Variants in ATXN8OS observed in about 807,000 individuals in gnomAD.
The protein encoded by ATXN8OS is ATXN8 opposite strand lncRNA, also known as ATXN8 opposite strand (non-protein coding).
At position 70,134,708 on chromosome 13, in the gene ATXN8OS, C is replaced by T. The variant is rs548380273; in HGVS notation, n.499+4824C>T. Among the ~76,000 whole-genome samples the T allele has an allele frequency of 2.3e-4, 35 of 152,318 alleles. 1 individual carries two copies. Among genetic ancestry groups the T allele is most frequent in the Admixed American group, 7.2e-4 (11 of 15,300 alleles). On this transcript the variant is annotated intron_variant and non_coding_transcript_variant, in intron 3 of 4. Transcript: ENST00000678624. ...AAAAGAGACAGAGCTAGATTAGCTACAGTGGCGTGCCTCAGTCCACCATGG... is the reference window on the plus strand; with the variant it reads ...AAAAGAGACAGAGCTAGATTAGCTATAGTGGCGTGCCTCAGTCCACCATGG...
chr13:70,157,235 A>G (rs1888948806), intron 4 of ATXN8OS, among the ~76,000 whole-genome samples: 1 of 152,192 alleles, frequency 6.6e-6, no homozygotes, highest in South Asian at 2.1e-4. Context: ...AAGCCTTTAC[A>G]TGAACTATAT....
At chr13:70,107,623 G>A, upstream of ATXN8OS, 1 of 1,579,252 alleles carries the variant, frequency 6.3e-7, no homozygotes, top group Non-Finnish European at 8.6e-7. Flanking sequence ...GGTGGAAGGA[G>A]ACGGGTGGCT....
chr13:70,156,864 C>T (rs1221767137), intron 4 of ATXN8OS, among the ~76,000 whole-genome samples: 1 of 152,052 alleles, frequency 6.6e-6, no homozygotes, highest in Admixed American at 6.6e-5. Context: ...CCTCCTTAAG[C>T]CCAAAGAAAC....
At chr13:70,167,848 A>G (rs889554996) in intron 4 of ATXN8OS, among the ~76,000 whole-genome samples, 1 of 140,764 alleles carries the variant, frequency 7.1e-6, no homozygotes, top group South Asian at 2.2e-4. Flanking sequence ...CCATTCTCCC[A>G]CCTCAGCCTC....
chr13:70,124,920 T>C (rs75936587), intron 2 of ATXN8OS, among the ~76,000 whole-genome samples: 11,311 of 131,250 alleles, frequency 0.086, 546 homozygotes, highest in Middle Eastern at 0.19. Flanking sequence ...TTCTACAATG[T>C]GTGTAATTTG....
intron 4 of ATXN8OS, among the ~76,000 whole-genome samples, chr13:70,163,975 GT>G (rs1332600276): frequency 6.7e-5 from 10 of 150,100 alleles, no homozygotes; most frequent in Admixed American, 6.7e-4. Flanking sequence ...CACTAAAAAT[GT>G]GCTCAATGAG....
chr13:70,171,012 G>A (rs1403934788), exon 5 of ATXN8OS, among the ~76,000 whole-genome samples: 1 of 152,132 alleles, frequency 6.6e-6, no homozygotes, highest in East Asian at 1.9e-4. Flanking sequence ...TGGTACACCT[G>A]TATAGGGCAC....
intron 3 of ATXN8OS, chr13:70,139,366 CTA>C: frequency 1.6e-6 from 1 of 630,896 alleles, no homozygotes; most frequent in Non-Finnish European, 2.6e-6. Context: ...ACTACTACTA[CTA>C]CTACTACTAC....
At chr13:70,112,143 C>T (rs1158625533) in intron 1 of ATXN8OS, among the ~76,000 whole-genome samples, 1 of 151,950 alleles carries the variant, frequency 6.6e-6, no homozygotes, top group Non-Finnish European at 1.5e-5. Flanking sequence ...TGTAAAGGTG[C>T]CACACACTTT....
At chr13:70,109,247 C>CT (rs1258933248) in intron 1 of ATXN8OS, among the ~76,000 whole-genome samples, 1 of 152,204 alleles carries the variant, frequency 6.6e-6, no homozygotes, top group African/African-American at 2.4e-5. Flanking sequence ...ATTGCGATCA[C>CT]TTTCAGTACA....
At chr13:70,157,262 A>G (rs1394910790) in intron 4 of ATXN8OS, among the ~76,000 whole-genome samples, 2 of 152,182 alleles carry the variant, frequency 1.3e-5, no homozygotes, top group African/African-American at 2.4e-5. Context: ...TTAAAATAGA[A>G]TGTTGTGTCT....
At chr13:70,166,931 G>C (rs1169148073) in intron 4 of ATXN8OS, among the ~76,000 whole-genome samples, 3 of 151,442 alleles carry the variant, frequency 2.0e-5, no homozygotes, top group Non-Finnish European at 3.0e-5. Flanking sequence ...ATCATCACTG[G>C]CCATCAGAGA....
intron 4 of ATXN8OS, among the ~76,000 whole-genome samples, chr13:70,156,965 G>A (rs189642607): frequency 9.9e-5 from 15 of 151,948 alleles, no homozygotes; most frequent in Non-Finnish European, 1.8e-4. Context: ...CTAGTTACCC[G>A]TAAATGAAAA....
intron 4 of ATXN8OS, among the ~76,000 whole-genome samples, chr13:70,166,276 C>A (rs1195126371): frequency 6.6e-6 from 1 of 152,036 alleles, no homozygotes; most frequent in Non-Finnish European, 1.5e-5. Flanking sequence ...TACTACAAGG[C>A]TACAGTAACC....
intron 4 of ATXN8OS, among the ~76,000 whole-genome samples, chr13:70,159,187 C>CTT (rs2137503687): frequency 1.5e-5 from 2 of 132,122 alleles, no homozygotes; most frequent in South Asian, 4.5e-4. Context: ...CATTCTCTCT[C>CTT]TCTCTCTCTC....
chr13:70,167,720 C>CGTCTTTTTTTTTTTTTTTTTTT (rs1889093645), intron 4 of ATXN8OS, among the ~76,000 whole-genome samples: 2 of 87,348 alleles, frequency 2.3e-5, no homozygotes, highest in African/African-American at 4.5e-5. Context: ...ACATATGTAA[C>CGTCTTTTTTTTTTTTTTTTTTT]TTCTTTTTTT....
At chr13:70,121,444 T>C (rs1295871425) in intron 2 of ATXN8OS, among the ~76,000 whole-genome samples, 1 of 152,060 alleles carries the variant, frequency 6.6e-6, no homozygotes, top group Non-Finnish European at 1.5e-5. Flanking sequence ...GGGTGTATAA[T>C]TTAAGATTTT....
chr13:70,159,593 G>A (rs941380356), intron 4 of ATXN8OS, among the ~76,000 whole-genome samples: 3 of 151,910 alleles, frequency 2.0e-5, no homozygotes, highest in Admixed American at 6.6e-5. Flanking sequence ...ATGGTTCCAG[G>A]GACATTAGCA....
intron 4 of ATXN8OS, among the ~76,000 whole-genome samples, chr13:70,155,188 T>C (rs1375495488): frequency 6.6e-6 from 1 of 152,184 alleles, no homozygotes; most frequent in Non-Finnish European, 1.5e-5. Context: ...GTGCAATTGA[T>C]GGGTCTTGCT....
Sources: allele counts gnomAD v4.1 joint callset (sites outside exome capture counted in the v4.1 genomes callset), GRCh38; gene constraint gnomAD v4.1.1; transcripts MANE v1.5; gene names NCBI Gene and HGNC (gene_info 2026-07-23, HGNC 2026-07-21).